Variants in PCDH9 observed in about 807,000 individuals in gnomAD.
The protein encoded by PCDH9 is protocadherin 9.
In PCDH9, 24 loss-of-function variants were observed where a neutral mutation model predicts 70.6. The ratio of observed to expected loss-of-function variants is 0.34; its 90% CI spans 0.25 to 0.48. The LOEUF (loss-of-function observed/expected upper bound fraction) is 0.48, where lower values mean the gene tolerates loss of function less well. Among genes scored for constraint, PCDH9 ranks in the 20% least tolerant of loss-of-function variants. The probability of loss-of-function intolerance (pLI) is 0.99; values close to 1 mark genes in which losing one functional copy is unlikely to be tolerated. For missense variants in PCDH9, 1,281 were observed against 1,503.6 expected (o/e 0.85, Z 2.45); for synonymous variants, 562 against 558.5 (o/e 1.01, Z -0.09).
chr13:67,061,113 G>A (rs1222227447), intron 2 of PCDH9, among the ~76,000 whole-genome samples: 1 of 152,062 alleles, frequency 6.6e-6, no homozygotes, highest in Non-Finnish European at 1.5e-5. Flanking sequence ...AAGATAATAT[G>A]TGTTGTTTAG....
At chr13:66,950,425 G>C (rs1314237930) in intron 2 of PCDH9, among the ~76,000 whole-genome samples, 2 of 151,550 alleles carry the variant, frequency 1.3e-5, no homozygotes, top group Non-Finnish European at 2.9e-5. Context: ...TTAAACAGTT[G>C]AGATAATTTA....
chr13:66,720,326 G>GTTTTTT, intron 3 of PCDH9, among the ~76,000 whole-genome samples: 1 of 132,032 alleles, frequency 7.6e-6, no homozygotes, highest in Non-Finnish European at 1.6e-5. Context: ...TTGCTTTTTT[G>GTTTTTT]TTTTTTTTTT....
intron 3 of PCDH9, among the ~76,000 whole-genome samples, chr13:66,673,260 A>G (rs1593871983): frequency 6.6e-6 from 1 of 152,250 alleles, no homozygotes. Context: ...TGATTTTATA[A>G]AGGGCAGTTC....
intron 2 of PCDH9, among the ~76,000 whole-genome samples, chr13:67,156,539 A>C (rs905462654): frequency 2.0e-5 from 3 of 151,860 alleles, no homozygotes; most frequent in Admixed American, 2.0e-4. Flanking sequence ...GAGTGCCCCA[A>C]CTCCAGGGGA....
chr13:66,325,329 C>T (rs1238752050), intron 4 of PCDH9, among the ~76,000 whole-genome samples: 2 of 152,014 alleles, frequency 1.3e-5, no homozygotes, highest in African/African-American at 2.4e-5. Context: ...CTTTAGGTCT[C>T]TAACTGATTG....
intron 4 of PCDH9, among the ~76,000 whole-genome samples, chr13:66,483,074 T>C (rs1958870037): frequency 6.6e-6 from 1 of 152,220 alleles, no homozygotes. Context: ...TGATTGATGC[T>C]AGAAAAAAAT....
chr13:66,322,653 A>G (rs1196527933), intron 4 of PCDH9, among the ~76,000 whole-genome samples: 1 of 151,970 alleles, frequency 6.6e-6, no homozygotes, highest in East Asian at 1.9e-4. Context: ...TAATTCAAGA[A>G]CTTGTTTTTT....
At chr13:67,223,171 A>G (rs1016595564) in intron 2 of PCDH9, 4 of 152,186 alleles carry the variant, frequency 2.6e-5, no homozygotes, top group African/African-American at 9.6e-5. Context: ...CTTTAGTTCC[A>G]GTTAGAGAAT....
intron 3 of PCDH9, among the ~76,000 whole-genome samples, chr13:66,864,235 T>A (rs1727308244): frequency 6.6e-6 from 1 of 152,084 alleles, no homozygotes; most frequent in African/African-American, 2.4e-5. Flanking sequence ...TTATGAGAAG[T>A]CATAGTGAAA....
intron 3 of PCDH9, among the ~76,000 whole-genome samples, chr13:66,883,205 C>T (rs1259725106): frequency 6.6e-6 from 1 of 152,122 alleles, no homozygotes; most frequent in Non-Finnish European, 1.5e-5. Flanking sequence ...ATGCTACCTA[C>T]GAATGTTCAA....
At chr13:66,986,133 T>C (rs1042384340) in intron 2 of PCDH9, among the ~76,000 whole-genome samples, 16 of 151,924 alleles carry the variant, frequency 1.1e-4, no homozygotes, top group African/African-American at 1.7e-4. Flanking sequence ...GAAGCAAACA[T>C]GTCTTCTTCA....
chr13:67,114,684 A>C (rs2086725007), intron 2 of PCDH9, among the ~76,000 whole-genome samples: 1 of 152,240 alleles, frequency 6.6e-6, no homozygotes. Flanking sequence ...ACTGTGCAAC[A>C]GTCCTCTATG....
intron 4 of PCDH9, among the ~76,000 whole-genome samples, chr13:66,403,734 T>C (rs754725732): frequency 6.6e-5 from 10 of 152,092 alleles, no homozygotes; most frequent in Non-Finnish European, 1.2e-4. Context: ...CCATCACCCA[T>C]GATATAGCCT....
rs920045031 is a variant in PCDH9, at chr13:66,932,855, A to T, written c.3037-29250T>A. On this transcript the variant is annotated intron_variant, in intron 2 of 4. Transcript: ENST00000377865. ...ATATGTTCGCTAAAACACTTCTAGA[A>T]TGTTCAGCAATGTGCCAAAAATGTA... is the stretch of plus-strand genomic sequence containing the variant. Among the ~76,000 whole-genome samples the T allele has an allele frequency of 4.6e-5, 7 of 151,246 alleles. No homozygotes were observed. In the East Asian group the frequency reaches 1.4e-3, roughly 29 times the overall value.
intron 3 of PCDH9, among the ~76,000 whole-genome samples, chr13:66,818,937 A>AAAAAAAC (rs77488183): frequency 0.59 from 86,401 of 146,310 alleles, 25,814 homozygotes; most frequent in South Asian, 0.65. Flanking sequence ...CCCGTCTCAA[A>AAAAAAAC]AAAAAACAAA....
intron 2 of PCDH9, among the ~76,000 whole-genome samples, chr13:67,070,586 T>C (rs889781520): frequency 6.6e-6 from 1 of 152,130 alleles, no homozygotes; most frequent in African/African-American, 2.4e-5. Context: ...ACAACTATTT[T>C]ATGTTGAGCC....
chr13:66,451,210 G>A (rs1958201978), intron 4 of PCDH9, among the ~76,000 whole-genome samples: 1 of 152,032 alleles, frequency 6.6e-6, no homozygotes, highest in Non-Finnish European at 1.5e-5. Flanking sequence ...CCAATGCCAG[G>A]TATATGCTGC....
At chr13:66,378,638 G>A (rs560629987) in intron 4 of PCDH9, among the ~76,000 whole-genome samples, 11 of 152,230 alleles carry the variant, frequency 7.2e-5, no homozygotes, top group Admixed American at 5.9e-4. Flanking sequence ...ATGCTCTTGT[G>A]TATCATTATC....
chr13:66,743,256 A>G (rs1340142371), intron 3 of PCDH9, among the ~76,000 whole-genome samples: 1 of 100,392 alleles, frequency 1.0e-5, no homozygotes, highest in African/African-American at 3.5e-5. Context: ...AAAAAACCAA[A>G]CACCGCATAT....
Sources: gnomAD v4.1 joint callset for allele counts (sites outside exome capture counted in the v4.1 genomes callset) on GRCh38, gnomAD v4.1.1 for gene constraint, MANE v1.5 for transcripts, NCBI Gene and HGNC (gene_info 2026-07-23, HGNC 2026-07-21) for gene names.